The following PTPRG variants were observed in gnomAD, a reference collection of about 807,000 sequenced individuals.
PTPRG encodes protein tyrosine phosphatase receptor type G.
A neutral mutation model predicts 165.3 loss-of-function variants in PTPRG; 102 were observed. The ratio of observed to expected loss-of-function variants is 0.62; its 90% confidence interval spans 0.53 to 0.73. The LOEUF is 0.73. Among genes scored for constraint, PTPRG ranks in the 30% least tolerant of loss-of-function variants. The pLI is 0.00. For synonymous variants in PTPRG, 675 were observed against 669.5 expected (o/e 1.01, Z -0.13); for missense variants, 1,866 against 1,861.4 (o/e 1.00, Z -0.05).
intron 2 of PTPRG, among the ~76,000 whole-genome samples, chr3:61,941,494 ATGCCTGTAGCC>A (rs1246986065): frequency 2.6e-5 from 4 of 152,174 alleles, no homozygotes; most frequent in South Asian, 4.1e-4. Context: ...ATGGCGGTGC[ATGCCTGTAGCC>A]CCAGCTGCTT....
chr3:61,822,672 C>A (rs570067542), intron 2 of PTPRG, among the ~76,000 whole-genome samples: 1 of 152,248 alleles, frequency 6.6e-6, no homozygotes, highest in Non-Finnish European at 1.5e-5. Context: ...GATTTTCTTT[C>A]CAATTTAAGC....
At chr3:62,078,363 C>A (rs1701460975) in intron 5 of PTPRG, 105 bp downstream of exon 5, 5 of 680,870 alleles carry the variant, frequency 7.3e-6, no homozygotes, top group South Asian at 2.0e-5. Flanking sequence ...CTAGTTCACA[C>A]CTGTCCAAAT....
intron 1 of PTPRG, among the ~76,000 whole-genome samples, chr3:61,717,999 G>T (rs978807877): frequency 6.6e-6 from 1 of 151,570 alleles, no homozygotes; most frequent in Non-Finnish European, 1.5e-5. Context: ...GGCCAACATG[G>T]TGAAACCCTG....
intron 26 of PTPRG, among the ~76,000 whole-genome samples, chr3:62,278,723 G>A (rs1202093339): frequency 6.6e-6 from 1 of 152,014 alleles, no homozygotes; most frequent in Non-Finnish European, 1.5e-5. Context: ...TACCAAGACT[G>A]CTTCTGTATG....
intron 1 of PTPRG, among the ~76,000 whole-genome samples, chr3:61,744,381 T>C (rs1478177282): frequency 6.6e-6 from 1 of 152,208 alleles, no homozygotes; most frequent in Admixed American, 6.5e-5. Context: ...CAAACTTAGA[T>C]GGAATAGCCA....
At chr3:61,755,196 TG>T (rs1047501652) in intron 2 of PTPRG, among the ~76,000 whole-genome samples, 1 of 152,136 alleles carries the variant, frequency 6.6e-6, no homozygotes, top group African/African-American at 2.4e-5. Flanking sequence ...TTAGTAGAGT[TG>T]GGGTTTCGCC....
In PTPRG at chr3:61,833,915, TAA is replaced by T. The variant is rs759803455; in HGVS notation, c.190+84935_190+84936del. ...TCATCTTTGAAAGGAGAGCTCTGTG[TAA>T]ATGTTAGGTATTCTCATCCACAAAG... On this transcript the variant is annotated intron_variant, in intron 2 of 29. Coordinates refer to ENST00000474889, the MANE Select transcript of PTPRG (RefSeq NM_002841.4). Among the ~76,000 whole-genome samples the T allele has an allele frequency of 7.9e-5, 12 of 152,300 alleles. No homozygotes were observed. In the South Asian group the frequency reaches 1.0e-3, roughly 13 times the overall value.
At chr3:61,829,542 C>A (rs1338078848) in intron 2 of PTPRG, among the ~76,000 whole-genome samples, 1 of 152,232 alleles carries the variant, frequency 6.6e-6, no homozygotes, top group Non-Finnish European at 1.5e-5. Context: ...GTTAACTACT[C>A]CAAAAGCAAA....
intron 2 of PTPRG, among the ~76,000 whole-genome samples, chr3:61,964,442 CATTT>C (rs761044085): frequency 2.3e-4 from 35 of 152,138 alleles, no homozygotes; most frequent in Non-Finnish European, 4.1e-4. Flanking sequence ...TTGTCACATG[CATTT>C]ATTTATTATG....
At chr3:61,788,402 C>G (rs4622897) in intron 2 of PTPRG, among the ~76,000 whole-genome samples, 63,036 of 151,976 alleles carry the variant, frequency 0.41, 13,598 homozygotes, top group East Asian at 0.77. Flanking sequence ...TCTACTAGCA[C>G]GTATAACAAC....
At chr3:61,718,213 CAAA>C (rs376955925) in intron 1 of PTPRG, among the ~76,000 whole-genome samples, 3 of 102,426 alleles carry the variant, frequency 2.9e-5, no homozygotes, top group African/African-American at 7.0e-5. Context: ...AAACAAAAAC[CAAA>C]AAAAAAAAAA....
Position 61,699,215 on chromosome 3 carries a change from C to T in PTPRG, c.86-49663C>T, listed in dbSNP as rs145139355. ...ATTATTTTTCAGATGAGATCGGGCG[C>T]GTTCAGGGTGGTATGGCCGTAGGAA... On this transcript the variant is annotated intron_variant, in intron 1 of 29. Coordinates refer to ENST00000474889, the MANE Select transcript of PTPRG (RefSeq NM_002841.4). 6.0e-3 allele frequency among the ~76,000 whole-genome samples: 905 copies of T among 151,622 alleles called. 6 individuals are homozygous for T. The highest frequency in any genetic ancestry group is 0.02 in the African/African-American group (827 of 41,354).
intron 2 of PTPRG, among the ~76,000 whole-genome samples, chr3:61,759,760 A>T (rs1010634972): frequency 2.6e-5 from 4 of 151,970 alleles, no homozygotes; most frequent in African/African-American, 9.7e-5. Context: ...TGTGATACAA[A>T]TATTTGACTT....
At chr3:62,244,067 G>T (rs111280831) in intron 15 of PTPRG, among the ~76,000 whole-genome samples, 169 bp downstream of exon 15, 1,750 of 152,254 alleles carry the variant, frequency 0.011, 35 homozygotes, top group African/African-American at 0.04. Context: ...TACAGTCATA[G>T]GCAGGAAAGG....
chr3:62,203,782 G>T lies in PTPRG; in HGVS notation c.1987G>T (p.Gly663Cys). Residue 663 changes from glycine (G) to cysteine (C), a missense_variant, in exon 12 of 30, where the codon GGC becomes TGC. Around this residue, in one of 3 missense-constraint regions of PTPRG, gnomAD observed 1,452 missense variants for 1,463.0 expected, o/e 0.99. Coordinates refer to ENST00000474889, the MANE Select transcript of PTPRG (RefSeq NM_002841.4). This position sits in a 1 kb window ranked among gnomAD's most constrained non-coding sequence, Gnocchi z 6.4. Reference protein sequence around the residue: ...TDQTGGRRDAGPGLDPDMVTS... With the variant: ...TDQTGGRRDACPGLDPDMVTS... ...CCAGACGGGCGGAAGGAGGGATGCCGGCCCAGGCCTGGACCCCGACATGGT... is the reference window on the plus strand; with the variant it reads ...CCAGACGGGCGGAAGGAGGGATGCCTGCCCAGGCCTGGACCCCGACATGGT... 6.2e-7 allele frequency: 1 copy of T among 1,612,784 alleles called. No individual in the cohort carries two copies. The highest frequency in any genetic ancestry group is 8.5e-7 in the Non-Finnish European group (1 of 1,179,368).
intron 2 of PTPRG, among the ~76,000 whole-genome samples, chr3:61,920,460 A>G (rs1007640810): frequency 6.6e-6 from 1 of 152,160 alleles, no homozygotes; most frequent in Non-Finnish European, 1.5e-5. Flanking sequence ...CAGTGGCACA[A>G]TCTCGGCTCA....
intron 2 of PTPRG, among the ~76,000 whole-genome samples, chr3:61,871,261 T>C (rs556776014): frequency 3.9e-5 from 6 of 152,048 alleles, no homozygotes; most frequent in Non-Finnish European, 8.8e-5. Flanking sequence ...AGGGTCTTGG[T>C]CTGTCACCCA....
At chr3:61,892,896 G>T (rs1339818515) in intron 2 of PTPRG, among the ~76,000 whole-genome samples, 1 of 152,050 alleles carries the variant, frequency 6.6e-6, no homozygotes, top group East Asian at 1.9e-4. Flanking sequence ...AAAAATTGGG[G>T]CTCACTTTGT....
intron 2 of PTPRG, among the ~76,000 whole-genome samples, chr3:61,974,531 C>A (rs746164497): frequency 1.3e-5 from 2 of 151,324 alleles, no homozygotes; most frequent in Non-Finnish European, 2.9e-5. Flanking sequence ...ACAGCCTGGG[C>A]AACAAAGCAA....
Sources: allele counts gnomAD v4.1 joint callset (sites outside exome capture counted in the v4.1 genomes callset), GRCh38; gene constraint gnomAD v4.1.1; regional missense constraint gnomAD v4.1.1; non-coding constraint Gnocchi (gnomAD v3.1); transcripts MANE v1.5; gene names NCBI Gene and HGNC (gene_info 2026-07-23, HGNC 2026-07-21).